Variants in ADAM19 observed in about 807,000 individuals in gnomAD.
The protein encoded by ADAM19 is ADAM metallopeptidase domain 19.
ADAM19 carries 65 observed loss-of-function variants against 114.7 expected under a neutral mutation model. The ratio of observed to expected loss-of-function variants is 0.57; its 90% confidence interval spans 0.46 to 0.70. The LOEUF is 0.70. Among genes scored for constraint, ADAM19 ranks in the 30% least tolerant of loss-of-function variants. ADAM19 has a pLI of 0.00. For synonymous variants in ADAM19, 466 were observed against 460.5 expected, an observed-to-expected ratio of 1.01 and a Z score of -0.15; for missense variants, 1,063 against 1,204.7, an observed-to-expected ratio of 0.88 and a Z score of 1.74.
intron 18 of ADAM19, among the ~76,000 whole-genome samples, chr5:157,490,753 G>A (rs1333221163): frequency 6.6e-6 from 1 of 152,034 alleles, no homozygotes; most frequent in Non-Finnish European, 1.5e-5. Context: ...TTAGCTAGGT[G>A]TGGTGGCACA....
At chr5:157,514,943 G>A (rs369706181) in intron 7 of ADAM19, among the ~76,000 whole-genome samples, 330 of 152,194 alleles carry the variant, frequency 2.2e-3, no homozygotes, top group African/African-American at 7.5e-3. Context: ...AAATCTTCAC[G>A]TCCTTCCTCC....
At position 157,477,796 on chromosome 5, in the gene ADAM19, G is replaced by A; in HGVS notation, c.*3153C>T. Reference sequence around the variant, plus strand: ...AGAGACTTCCAATAAAGATTGGAAAGGCGTATTGCAGGAGGTGGGGAGGGG... The same window carrying A: ...AGAGACTTCCAATAAAGATTGGAAAAGCGTATTGCAGGAGGTGGGGAGGGG... On this transcript the variant is annotated 3_prime_UTR_variant, in exon 23 of 23. Transcript: ENST00000257527. 5.0e-6 allele frequency: 6 copies of A among 1,188,758 alleles called. No homozygotes were observed. The highest frequency in any genetic ancestry group is 6.7e-6 in the Non-Finnish European group (6 of 897,040). The allele number at this position is 1,188,758 out of a possible 1,614,324, so 73.6% of individuals were successfully genotyped here. A position where few individuals can be genotyped will look rare whatever the true frequency, so the allele number is the denominator to read the frequency against.
intron 1 of ADAM19, among the ~76,000 whole-genome samples, chr5:157,574,976 G>A (rs907677339): frequency 6.6e-6 from 1 of 152,184 alleles, no homozygotes; most frequent in East Asian, 1.9e-4. Context: ...TGTGGGCCTC[G>A]GTTTCCCCAT....
chr5:157,570,652 A>G, intron 2 of ADAM19: 1 of 431,606 alleles, frequency 2.3e-6, no homozygotes, highest in Admixed American at 4.0e-5. Flanking sequence ...ATCTGCACTT[A>G]GCTTGTGTCA....
rs201585796 is a variant in ADAM19, at chr5:157,489,076, A to C, written c.2325+26T>G. The C allele has an allele frequency of 4.7e-5, 76 of 1,601,432 alleles. No homozygotes were observed. In the African/African-American group the frequency reaches 9.1e-4, roughly 19 times the overall value. On this transcript the variant is annotated intron_variant, in intron 20 of 22. Transcript: ENST00000257527. ...CCCTGAGGGATAAAGGAAAAGTAGC[A>C]AAGTTCAGTGGTGCAAAGCTCTTAC...
At chr5:157,497,844 T>C (rs1755416143) in intron 13 of ADAM19, among the ~76,000 whole-genome samples, 1 of 152,180 alleles carries the variant, frequency 6.6e-6, no homozygotes, top group African/African-American at 2.4e-5. Context: ...TTACTAATAC[T>C]CTTTCCATTT....
intron 7 of ADAM19, 128 bp from the exon 8 acceptor site, chr5:157,513,633 A>G (rs923961409): frequency 2.5e-6 from 2 of 804,398 alleles, no homozygotes; most frequent in Non-Finnish European, 4.1e-6. Context: ...TTTTTATGCA[A>G]TTGTCTTCCC....
intron 3 of ADAM19, among the ~76,000 whole-genome samples, chr5:157,549,447 A>G (rs1757131443): frequency 6.6e-6 from 1 of 152,132 alleles, no homozygotes; most frequent in Admixed American, 6.5e-5. Flanking sequence ...TTTGATCCAG[A>G]CCAAACATTT....
intron 3 of ADAM19, among the ~76,000 whole-genome samples, chr5:157,546,321 T>A (rs1757046866): frequency 6.6e-6 from 1 of 152,206 alleles, no homozygotes; most frequent in Non-Finnish European, 1.5e-5. Flanking sequence ...CACACGTGTG[T>A]GCATGCATGT....
intron 3 of ADAM19, among the ~76,000 whole-genome samples, chr5:157,557,845 C>T (rs1477417731): frequency 6.6e-6 from 1 of 152,194 alleles, no homozygotes; most frequent in Non-Finnish European, 1.5e-5. Flanking sequence ...GCCCCACCTC[C>T]TAATACCATC....
intron 5 of ADAM19, among the ~76,000 whole-genome samples, chr5:157,526,749 T>C (rs1333306476): frequency 6.6e-6 from 1 of 151,790 alleles, no homozygotes; most frequent in Non-Finnish European, 1.5e-5. Context: ...GCCTCCCAAA[T>C]AGCTGGGACT....
intron 22 of ADAM19, chr5:157,481,523 C>T: frequency 1.6e-6 from 2 of 1,263,328 alleles, no homozygotes; most frequent in Non-Finnish European, 2.1e-6. Flanking sequence ...TCAAGAGGGA[C>T]TTGCTCAGGG....
rs10058865 is a variant in ADAM19 at position 157,489,603 on chromosome 5, C to T, written c.2241-417G>A. On this transcript the variant is annotated intron_variant, in intron 19 of 22. Transcript: ENST00000257527. ...TACATCTTCCATATCCAAAATAATA[C>T]ATCACTTTTCAAATGGGACACCAAA... 2.0e-5 allele frequency among the ~76,000 whole-genome samples: 3 copies of T among 152,130 alleles called. No individual in the cohort carries two copies. The South Asian group carries it at 6.2e-4, about 32-fold the overall frequency.
At position 157,480,995 on chromosome 5, in the gene ADAM19, T is replaced by G. The variant is rs759783443; in HGVS notation, c.2711A>C (p.Glu904Ala). The G allele has an allele frequency of 6.2e-7, 1 of 1,614,000 alleles. No individual in the cohort carries two copies. The highest frequency in any genetic ancestry group is 8.5e-7 in the Non-Finnish European group (1 of 1,180,022). ...CCCTCCAGCCCTCTGTGATCTGTAT[T>G]CTGGAAACTGGGAAGAAAAAGAAGG... Reference protein sequence around the residue: ...PLAALAPKFPEYRSQRAGGMI... With the variant: ...PLAALAPKFPAYRSQRAGGMI... The change falls in exon 23 of 23, where the codon GAA (glutamate) becomes GCA (alanine). Residue 904 changes from glutamate (E) to alanine (A), a missense_variant. Transcript: ENST00000257527.
chr5:157,559,262 A>G (rs981139325), intron 3 of ADAM19, among the ~76,000 whole-genome samples: 2 of 152,254 alleles, frequency 1.3e-5, no homozygotes, highest in African/African-American at 2.4e-5. Flanking sequence ...GTTAGACCAA[A>G]GGACGTCTCT....
rs182606388 is a variant in ADAM19, at chr5:157,554,844, A to C, written c.251+9529T>G. Among the ~76,000 whole-genome samples the C allele has an allele frequency of 3.1e-4, 47 of 152,340 alleles. No homozygotes were observed. In the East Asian group the frequency reaches 8.9e-3, roughly 29 times the overall value. ...CGTAGATGAGAAAACTGAGACTCTC[A>C]AAGGTTGAGCGACTTGCCAAAGCTT... is the stretch of plus-strand genomic sequence containing the variant. On this transcript the variant is annotated intron_variant, in intron 3 of 22. Transcript: ENST00000257527.
At position 157,560,264 on chromosome 5, in the gene ADAM19, C is replaced by CAA. The variant is rs35731498; in HGVS notation, c.251+4107_251+4108dup. ...TGGGCGACAGAGCGAGACTCCGTCTCAAAAAAAAAAAAAAAAAAAAAAAAA... is the reference window on the plus strand; with the variant it reads ...TGGGCGACAGAGCGAGACTCCGTCTCAAAAAAAAAAAAAAAAAAAAAAAAAAA... On this transcript the variant is annotated intron_variant, in intron 3 of 22. Transcript: ENST00000257527. 3.8e-3 allele frequency among the ~76,000 whole-genome samples: 198 copies of CAA among 51,682 alleles called. 7 individuals carry two copies. The highest frequency in any genetic ancestry group is 4.7e-3 in the South Asian group (5 of 1,074). The allele number at this position is 51,682 out of a possible 152,430, so 33.9% of individuals were successfully genotyped here.
chr5:157,573,006 C>A (rs1355020267), intron 1 of ADAM19, among the ~76,000 whole-genome samples: 1 of 152,154 alleles, frequency 6.6e-6, no homozygotes, highest in Non-Finnish European at 1.5e-5. Context: ...TGCACTCCAG[C>A]CTGAGTGACA....
At chr5:157,536,735 T>C (rs1362430888) in intron 4 of ADAM19, among the ~76,000 whole-genome samples, 1 of 152,330 alleles carries the variant, frequency 6.6e-6, no homozygotes, top group African/African-American at 2.4e-5. Flanking sequence ...CAGTGTTATC[T>C]TGCTGGACAC....
Sources: gnomAD v4.1 joint callset for allele counts (sites outside exome capture counted in the v4.1 genomes callset) on GRCh38, gnomAD v4.1.1 for gene constraint, MANE v1.5 for transcripts, NCBI Gene and HGNC (gene_info 2026-07-23, HGNC 2026-07-21) for gene names.